TENM3: variants seen among roughly 807,000 people sequenced by gnomAD.
TENM3 encodes the protein teneurin transmembrane protein 3, also known as teneurin-3.
In TENM3, 63 loss-of-function variants were observed where a neutral mutation model predicts 255.1. That is an observed-to-expected ratio of 0.25 (90% confidence interval 0.20 to 0.30). The LOEUF is 0.30. TENM3 is among the 10% of genes least tolerant of loss of function. The pLI is 1.00. For missense variants in TENM3, 2,929 were observed against 3,461.1 expected, an observed-to-expected ratio of 0.85 and a Z score of 3.86; for synonymous variants, 1,306 against 1,322.3, an observed-to-expected ratio of 0.99 and a Z score of 0.27.
chr4:182,168,235 A>G (rs1751853826), intron 1 of TENM3, among the ~76,000 whole-genome samples: 1 of 152,006 alleles, frequency 6.6e-6, no homozygotes, highest in South Asian at 2.1e-4. Flanking sequence ...CTGGGGCTCA[A>G]ACAATTCTCC....
At chr4:181,803,352 T>A in the TENM3 span, among the ~76,000 whole-genome samples, 1 of 152,210 alleles carries the variant, frequency 6.6e-6, no homozygotes, top group Non-Finnish European at 1.5e-5. Flanking sequence ...ATACTGGAAA[T>A]TGAAGTTTAG....
chr4:181,668,696 A>G, the TENM3 span, among the ~76,000 whole-genome samples: 1 of 152,078 alleles, frequency 6.6e-6, no homozygotes, highest in Non-Finnish European at 1.5e-5. Context: ...CTTACTTGCA[A>G]ATAAGGTTCC....
chr4:181,482,896 T>G, the TENM3 span, among the ~76,000 whole-genome samples: 2 of 152,158 alleles, frequency 1.3e-5, no homozygotes, highest in Admixed American at 1.3e-4. Flanking sequence ...ATCATTCTTC[T>G]TGACATACGG....
chr4:182,128,177 G>T, the TENM3 span, among the ~76,000 whole-genome samples: 1 of 151,892 alleles, frequency 6.6e-6, no homozygotes, highest in Admixed American at 6.6e-5. Context: ...AAAAAACGCA[G>T]AAACCCTATT....
intron 3 of TENM3, among the ~76,000 whole-genome samples, chr4:182,465,724 T>C (rs1001442898): frequency 6.6e-6 from 1 of 152,200 alleles, no homozygotes; most frequent in Non-Finnish European, 1.5e-5. Context: ...ATCGGTGCTT[T>C]ATTATTAATA....
At chr4:182,338,210 G>C in intron 2 of TENM3, among the ~76,000 whole-genome samples, 1 of 152,218 alleles carries the variant, frequency 6.6e-6, no homozygotes, top group Non-Finnish European at 1.5e-5. Context: ...ACAGGGGTAA[G>C]ATTTGATTTG....
chr4:182,517,387 T>C (rs6856590), intron 3 of TENM3, among the ~76,000 whole-genome samples: 29,750 of 107,348 alleles, frequency 0.28, 4,968 homozygotes, highest in East Asian at 0.34. Context: ...TTCTTTTTTT[T>C]TTTTTTTTTT....
chr4:181,472,546 A>C, the TENM3 span, among the ~76,000 whole-genome samples: 1 of 152,120 alleles, frequency 6.6e-6, no homozygotes, highest in Non-Finnish European at 1.5e-5. Context: ...TCCTGAGCAC[A>C]GGGGAGGTGA....
chr4:182,239,569 G>C (rs1757110359), upstream of TENM3, among the ~76,000 whole-genome samples: 2 of 152,128 alleles, frequency 1.3e-5, no homozygotes, highest in Admixed American at 1.3e-4. Flanking sequence ...ATACAAATAA[G>C]TGGATTCTTC....
At chr4:182,785,082 T>A (rs1765531415) in intron 24 of TENM3, among the ~76,000 whole-genome samples, 1 of 147,490 alleles carries the variant, frequency 6.8e-6, no homozygotes. Context: ...TCCTCCCCCA[T>A]ATTTTTTTTC....
the TENM3 span, among the ~76,000 whole-genome samples, chr4:181,704,573 A>G: frequency 1.3e-5 from 2 of 152,190 alleles, no homozygotes; most frequent in Non-Finnish European, 2.9e-5. Flanking sequence ...GAACATACAA[A>G]CACAAAGTAA....
chr4:182,209,704 A>G (rs1012085147), intron 1 of TENM3, among the ~76,000 whole-genome samples: 2 of 152,042 alleles, frequency 1.3e-5, no homozygotes, highest in African/African-American at 4.8e-5. Context: ...TGGGCTTGGG[A>G]GTACAGTAGC....
chr4:181,986,064 T>C, the TENM3 span, among the ~76,000 whole-genome samples: 1 of 152,096 alleles, frequency 6.6e-6, no homozygotes, highest in Non-Finnish European at 1.5e-5. Flanking sequence ...AGGGCTCTAG[T>C]TGGCTGAACG....
At chr4:181,678,844 A>C in the TENM3 span, among the ~76,000 whole-genome samples, 146 of 45,502 alleles carry the variant, frequency 3.2e-3, 1 homozygote, top group Middle Eastern at 0.012. Flanking sequence ...TTTTAAACAA[A>C]AAAAAAAAAA....
intron 3 of TENM3, among the ~76,000 whole-genome samples, chr4:182,456,521 A>T (rs1298787747): frequency 6.6e-6 from 1 of 152,218 alleles, no homozygotes; most frequent in African/African-American, 2.4e-5. Context: ...AAAGAAGTTC[A>T]TTGAAGCCTA....
At chr4:181,907,415 T>C in the TENM3 span, among the ~76,000 whole-genome samples, 2 of 152,160 alleles carry the variant, frequency 1.3e-5, no homozygotes, top group Non-Finnish European at 2.9e-5. Flanking sequence ...CAGATTTTTC[T>C]ATGAAATCTC....
At chr4:182,340,743 G>A (rs1322191399) in intron 2 of TENM3, among the ~76,000 whole-genome samples, 1 of 152,154 alleles carries the variant, frequency 6.6e-6, no homozygotes, top group African/African-American at 2.4e-5. Context: ...AAGACATGGT[G>A]GTGCCACTGA....
chr4:182,061,035 C>T, the TENM3 span, among the ~76,000 whole-genome samples: 3 of 152,116 alleles, frequency 2.0e-5, no homozygotes, highest in Non-Finnish European at 4.4e-5. Context: ...GTGAAATTCA[C>T]CAGATGAGGT....
chr4:182,594,113 C>T (rs1746945455), intron 3 of TENM3, among the ~76,000 whole-genome samples: 1 of 152,162 alleles, frequency 6.6e-6, no homozygotes, highest in Non-Finnish European at 1.5e-5. Context: ...AAATTCCTTC[C>T]TGTGTGAGAA....
Sources: gnomAD v4.1 joint callset for allele counts (sites outside exome capture counted in the v4.1 genomes callset) on GRCh38, gnomAD v4.1.1 for gene constraint, MANE v1.5 for transcripts, NCBI Gene and HGNC (gene_info 2026-07-23, HGNC 2026-07-21) for gene names.